The following S100A16 variants were observed in gnomAD, a reference collection of about 807,000 sequenced individuals.
S100A16 encodes protein S100-A16.
S100A16 carries 8 observed loss-of-function variants against 9.0 expected under a neutral mutation model. The observed-to-expected ratio is 0.89, with a 90% CI of 0.52 to 1.60. The LOEUF (loss-of-function observed/expected upper bound fraction) is 1.60. S100A16 is among the 40% of genes most tolerant of loss of function. The probability of loss-of-function intolerance (pLI) is 0.00; values close to 1 mark genes in which losing one functional copy is unlikely to be tolerated. For synonymous variants in S100A16, 51 were observed against 51.4 expected (o/e 0.99, Z 0.04); for missense variants, 138 against 132.4 (o/e 1.04, Z -0.21).
intron 1 of S100A16, among the ~76,000 whole-genome samples, chr1:153,611,917 TCA>T (rs55729519): frequency 0.11 from 15,147 of 140,518 alleles, 1,374 homozygotes; most frequent in African/African-American, 0.26. Flanking sequence ...TGTCTCTCTC[TCA>T]CACACACACA....
In S100A16 at chr1:153,608,016, G is replaced by A. The variant is rs1215532538; in HGVS notation, c.136C>T (p.Leu46=). The change falls in exon 2 of 3, where the codon CTG becomes TTG. Residue 46 remains leucine, a synonymous_variant. Transcript: ENST00000368706. The part of the protein sequence containing the change: ...SSFREMLQKE[L]NHMLSDTGNR... Reference sequence around the variant, plus strand: ...GGCCTTACCGACAGCATGTGGTTCAGCTCTTTCTGGAGCATCTCGCGGAAG... The same window carrying A: ...GGCCTTACCGACAGCATGTGGTTCAACTCTTTCTGGAGCATCTCGCGGAAG... The A allele has an allele frequency of 1.9e-6, 3 of 1,613,844 alleles. No homozygotes were observed. In the Admixed American group the frequency reaches 5.0e-5, roughly 27 times the overall value.
intron 1 of S100A16, among the ~76,000 whole-genome samples, chr1:153,611,579 T>C (rs887387835): frequency 2.0e-5 from 3 of 152,304 alleles, no homozygotes; most frequent in Admixed American, 6.5e-5. Context: ...TCATTCACTC[T>C]CATTCATTCA....
At chr1:153,608,656 G>A (rs992603386) in intron 1 of S100A16, among the ~76,000 whole-genome samples, 1 of 152,202 alleles carries the variant, frequency 6.6e-6, no homozygotes, top group African/African-American at 2.4e-5. Context: ...CCCAGCCCCA[G>A]GCAACAAAGC....
In S100A16 at chr1:153,607,546, C is replaced by T. The variant is rs769634283; in HGVS notation, c.300G>A (p.Gln100=). The change falls in exon 3 of 3, where the codon CAG becomes CAA. Residue 100 remains glutamine, a synonymous_variant. Transcript: ENST00000368706. ...GCCAAAGGGGTCTCTAGCTGCTGCT[C>T]TGCTGCTCCTGCTCATGGATGAGTT... ...IAKLIHEQEQ[Q]SSS is the part of the protein sequence containing the mutation. 2.7e-5 allele frequency: 43 copies of T among 1,614,068 alleles called. No homozygotes were observed. The highest frequency in any genetic ancestry group is 3.3e-5 in the Non-Finnish European group (39 of 1,180,034).
intron 1 of S100A16, chr1:153,609,181 G>T (rs1231178446): frequency 9.1e-6 from 9 of 985,344 alleles, no homozygotes; most frequent in African/African-American, 1.7e-5. Context: ...CCCTCACCCG[G>T]CGGGTCCTGG....
At chr1:153,611,602 A>G (rs1281789965) in intron 1 of S100A16, among the ~76,000 whole-genome samples, 1 of 152,098 alleles carries the variant, frequency 6.6e-6, no homozygotes, top group East Asian at 1.9e-4. Context: ...TGCTCATTCA[A>G]TAATGCATTC....
intron 1 of S100A16, among the ~76,000 whole-genome samples, chr1:153,611,204 GC>G (rs1666828990): frequency 8.6e-6 from 1 of 115,770 alleles, no homozygotes; most frequent in South Asian, 3.0e-4. Context: ...CTGACTCCAT[GC>G]CCCTGGATCC....
chr1:153,608,592 C>T (rs972315001), intron 1 of S100A16, among the ~76,000 whole-genome samples: 15 of 152,038 alleles, frequency 9.9e-5, no homozygotes, highest in African/African-American at 2.4e-4. Context: ...TGGGATGAGC[C>T]ATGGAGGTTA....
chr1:153,609,579 T>A (rs911007438), intron 1 of S100A16, among the ~76,000 whole-genome samples: 3 of 152,206 alleles, frequency 2.0e-5, no homozygotes, highest in Non-Finnish European at 4.4e-5. Context: ...TAGTTTTTCT[T>A]ACACATGGCC....
In S100A16 at chr1:153,607,615, A is replaced by G. The variant is rs1005335183; in HGVS notation, c.231T>C (p.Asp77=). The change falls in exon 3 of 3, where the codon GAT becomes GAC. Residue 77 remains aspartate, a synonymous_variant. Transcript: ENST00000368706. ...TGCCGCCTATCAAGGTCCAGTACTC[A>G]TCGAAGCTGATGCGCCCATCATGAT... ...DANHDGRISF[D]EYWTLIGGIT... The G allele has an allele frequency of 1.2e-6, 2 of 1,614,078 alleles. No individual in the cohort carries two copies. Among genetic ancestry groups the G allele is most frequent in the African/African-American group, 2.7e-5 (2 of 74,920 alleles).
At chr1:153,610,939 G>T (rs1666820815) in intron 1 of S100A16, among the ~76,000 whole-genome samples, 2 of 152,098 alleles carry the variant, frequency 1.3e-5, no homozygotes, top group African/African-American at 2.4e-5. Flanking sequence ...CAAGCAGGAG[G>T]TCGTTCCTGC....
chr1:153,608,599 G>A (rs1412952819), intron 1 of S100A16, among the ~76,000 whole-genome samples: 1 of 151,656 alleles, frequency 6.6e-6, no homozygotes, highest in Non-Finnish European at 1.5e-5. Flanking sequence ...AGCCATGGAG[G>A]TTAGGGGCAG....
chr1:153,612,109 A>AAC (rs1003233935), intron 1 of S100A16, among the ~76,000 whole-genome samples: 3 of 148,736 alleles, frequency 2.0e-5, no homozygotes, highest in African/African-American at 7.5e-5. Flanking sequence ...CGCCTCCCCC[A>AAC]ACACACACAC....
intron 1 of S100A16, chr1:153,609,199 A>G: frequency 1.0e-6 from 1 of 985,428 alleles, no homozygotes; most frequent in Non-Finnish European, 1.2e-6. Flanking sequence ...TGGTGAAAGG[A>G]GATGGACAAA....
At chr1:153,607,953 G>C in intron 2 of S100A16, 46 bp downstream of exon 2, 1 of 1,588,540 alleles carries the variant, frequency 6.3e-7, no homozygotes, top group African/African-American at 1.3e-5. Flanking sequence ...GCTTGCAGGG[G>C]AGGGAAGGGG....
At position 153,610,601 on chromosome 1, in the gene S100A16, T is replaced by C. The variant is rs73009963; in HGVS notation, c.-27+2351A>G. On this transcript the variant is annotated intron_variant, in intron 1 of 2. Coordinates refer to ENST00000368706, the MANE Select transcript of S100A16 (RefSeq NM_080388.3). Reference sequence around the variant, plus strand: ...GGGAGACCCAGAGCGGGAGCTCCAGTGCCTCAGGGCTTCAGCTCCCAGCCC... The same window carrying C: ...GGGAGACCCAGAGCGGGAGCTCCAGCGCCTCAGGGCTTCAGCTCCCAGCCC... Among the ~76,000 whole-genome samples, 1,159 of 152,322 alleles carry C rather than the reference T, an allele frequency of 7.6e-3. 15 individuals are homozygous for C. The highest frequency in any genetic ancestry group is 0.026 in the African/African-American group (1,090 of 41,582).
At chr1:153,609,649 G>T (rs1053805693) in intron 1 of S100A16, among the ~76,000 whole-genome samples, 1 of 152,110 alleles carries the variant, frequency 6.6e-6, no homozygotes, top group Non-Finnish European at 1.5e-5. Context: ...TTCAATCCTG[G>T]ATATACACCA....
chr1:153,607,389 C>A lies in S100A16; in HGVS notation c.*145G>T. The A allele has an allele frequency of 1.1e-6, 1 of 916,368 alleles. No homozygotes were observed. Among genetic ancestry groups the A allele is most frequent in the Non-Finnish European group, 1.7e-6 (1 of 605,188 alleles). The allele number at this position is 916,368 out of a possible 1,614,324, so 56.8% of individuals were successfully genotyped here. A position where few individuals can be genotyped will look rare whatever the true frequency, so the allele number is the denominator to read the frequency against. On this transcript the variant is annotated 3_prime_UTR_variant, in exon 3 of 3. Coordinates refer to ENST00000368706, the MANE Select transcript of S100A16 (RefSeq NM_080388.3). ...TAGACTGAGACACTCACAAAGGGACCCCAGTTCAGCAAGGGTCAGAGGAAG... is the reference window on the plus strand; with the variant it reads ...TAGACTGAGACACTCACAAAGGGACACCAGTTCAGCAAGGGTCAGAGGAAG...
chr1:153,612,755 C>G (rs1235309528), intron 1 of S100A16, among the ~76,000 whole-genome samples, 197 bp downstream of exon 1: 1 of 152,110 alleles, frequency 6.6e-6, no homozygotes, highest in Non-Finnish European at 1.5e-5. Context: ...AAGGCCTCAC[C>G]CAGCCCCCAA....
Sources: gnomAD v4.1 joint callset for allele counts (sites outside exome capture counted in the v4.1 genomes callset) on GRCh38, gnomAD v4.1.1 for gene constraint, MANE v1.5 for transcripts, NCBI Gene and HGNC (gene_info 2026-07-23, HGNC 2026-07-21) for gene names.